The following CCDC91 variants were observed in gnomAD, a reference collection of about 807,000 sequenced individuals.
CCDC91 encodes the protein coiled-coil domain containing 91.
A neutral mutation model predicts 63.2 loss-of-function variants in CCDC91; 48 were observed. That is an observed-to-expected ratio of 0.76 (90% CI 0.60 to 0.97). The LOEUF (loss-of-function observed/expected upper bound fraction) is 0.97, where lower values mean the gene tolerates loss of function less well. Among genes scored for constraint, CCDC91 ranks in the 50% least tolerant of loss-of-function variants. The probability of loss-of-function intolerance (pLI) is 0.00; values close to 1 mark genes in which losing one functional copy is unlikely to be tolerated. For synonymous variants in CCDC91, 167 were observed against 165.8 expected (o/e 1.01, Z -0.06); for missense variants, 500 against 494.6 (o/e 1.01, Z -0.10).
intron 8 of CCDC91, among the ~76,000 whole-genome samples, chr12:28,405,176 T>A (rs78592984): frequency 0.013 from 1,986 of 152,050 alleles, 49 homozygotes; most frequent in African/African-American, 0.045. Context: ...TTAGTTATAA[T>A]TTTTTTTCTT....
At chr12:28,203,286 T>G (rs1434472963) in intron 1 of CCDC91, among the ~76,000 whole-genome samples, 2 of 152,256 alleles carry the variant, frequency 1.3e-5, no homozygotes, top group East Asian at 3.8e-4. Flanking sequence ...TGAAAAAAGT[T>G]GACTTTGACA....
At chr12:28,394,811 GAATTGATC>G (rs910748240) in intron 8 of CCDC91, among the ~76,000 whole-genome samples, 3 of 151,444 alleles carry the variant, frequency 2.0e-5, no homozygotes, top group African/African-American at 4.8e-5. Context: ...CAGACTATAT[GAATTGATC>G]CCTGGCTTTG....
At chr12:28,341,628 A>T (rs1162739412) in intron 6 of CCDC91, among the ~76,000 whole-genome samples, 4 of 152,182 alleles carry the variant, frequency 2.6e-5, no homozygotes, top group Non-Finnish European at 5.9e-5. Flanking sequence ...TATTCTGCCT[A>T]TTACACTTAG....
intron 1 of CCDC91, among the ~76,000 whole-genome samples, chr12:28,220,451 A>G (rs892034153): frequency 6.6e-6 from 1 of 151,978 alleles, no homozygotes; most frequent in Non-Finnish European, 1.5e-5. Flanking sequence ...AAAGCCAACA[A>G]TATGTTTTTT....
At chr12:28,457,084 C>T (rs3898068) in intron 11 of CCDC91, among the ~76,000 whole-genome samples, 31,636 of 151,912 alleles carry the variant, frequency 0.21, 4,322 homozygotes, top group Non-Finnish European at 0.31. Flanking sequence ...CTGTCTGTGT[C>T]ACCCTGTAAC....
intron 12 of CCDC91, among the ~76,000 whole-genome samples, chr12:28,489,210 A>G (rs1410410248): frequency 6.6e-6 from 1 of 151,932 alleles, no homozygotes; most frequent in Non-Finnish European, 1.5e-5. Context: ...TAACTAGACA[A>G]TTGAAGTCTC....
chr12:28,265,562 CT>C (rs1390066017), intron 3 of CCDC91, among the ~76,000 whole-genome samples: 1 of 152,074 alleles, frequency 6.6e-6, no homozygotes, highest in Non-Finnish European at 1.5e-5. Flanking sequence ...ATTCTCCATT[CT>C]GTCCAGGAAA....
At chr12:28,529,152 TTA>T (rs1403624588) in intron 12 of CCDC91, among the ~76,000 whole-genome samples, 1 of 152,206 alleles carries the variant, frequency 6.6e-6, no homozygotes, top group Non-Finnish European at 1.5e-5. Context: ...GACATACTGA[TTA>T]TGTCTTACCT....
chr12:28,229,830 G>A (rs534793909), intron 1 of CCDC91, among the ~76,000 whole-genome samples: 1 of 152,160 alleles, frequency 6.6e-6, no homozygotes, highest in South Asian at 2.1e-4. Flanking sequence ...TGTGTTTGTG[G>A]CTAGAAGAAG....
At chr12:28,303,859 C>T (rs190719294) in intron 3 of CCDC91, among the ~76,000 whole-genome samples, 29 of 152,168 alleles carry the variant, frequency 1.9e-4, no homozygotes, top group African/African-American at 6.3e-4. Context: ...TATTCCTTCT[C>T]ACTCCACTGT....
chr12:28,547,899 G>A (rs1342002584), intron 12 of CCDC91, among the ~76,000 whole-genome samples: 5 of 152,052 alleles, frequency 3.3e-5, no homozygotes, highest in African/African-American at 4.8e-5. Context: ...GGGGATGCAG[G>A]GGCTTGTGAG....
chr12:28,311,477 T>C (rs1939318732), intron 6 of CCDC91, among the ~76,000 whole-genome samples: 1 of 152,028 alleles, frequency 6.6e-6, no homozygotes, highest in Non-Finnish European at 1.5e-5. Context: ...ACTGCATTGT[T>C]GCTGGGGCGA....
chr12:28,367,258 A>T (rs1476944592), intron 7 of CCDC91, among the ~76,000 whole-genome samples: 1 of 152,220 alleles, frequency 6.6e-6, no homozygotes, highest in Non-Finnish European at 1.5e-5. Flanking sequence ...AACCAATGTG[A>T]AAACAGAAAA....
intron 11 of CCDC91, among the ~76,000 whole-genome samples, chr12:28,468,592 A>G (rs141655538): frequency 1.2e-3 from 182 of 152,102 alleles, no homozygotes; most frequent in African/African-American, 3.9e-3. Flanking sequence ...AACTCATTCT[A>G]TGAGGCCAGT....
intron 8 of CCDC91, among the ~76,000 whole-genome samples, chr12:28,413,404 C>T (rs542431579): frequency 6.6e-6 from 1 of 151,964 alleles, no homozygotes; most frequent in South Asian, 2.1e-4. Context: ...AATTTCTTTC[C>T]TAAATTATAG....
chr12:28,419,602 A>T (rs969970344), intron 8 of CCDC91, among the ~76,000 whole-genome samples: 1 of 152,170 alleles, frequency 6.6e-6, no homozygotes, highest in Non-Finnish European at 1.5e-5. Context: ...TTGTAAGTCT[A>T]CTTTTACTGA....
At chr12:28,484,837 TAATA>T (rs1340229025) in intron 12 of CCDC91, among the ~76,000 whole-genome samples, 2 of 150,634 alleles carry the variant, frequency 1.3e-5, no homozygotes, top group Non-Finnish European at 3.0e-5. Context: ...ATCTTCTCTG[TAATA>T]AATATATATA....
chr12:28,391,198 G>A (rs1285382434), intron 7 of CCDC91, 106 bp from the exon 8 acceptor site: 1 of 560,004 alleles, frequency 1.8e-6, no homozygotes, highest in South Asian at 2.8e-5. Context: ...TGTAATTTAG[G>A]AGAATATCGT....
intron 12 of CCDC91, among the ~76,000 whole-genome samples, chr12:28,511,589 T>C (rs1939383919): frequency 1.3e-5 from 2 of 151,894 alleles, no homozygotes; most frequent in Admixed American, 6.6e-5. Context: ...CTGGATAGTT[T>C]GTAGGCACTC....
Sources: gnomAD v4.1 joint callset for allele counts (sites outside exome capture counted in the v4.1 genomes callset) on GRCh38, gnomAD v4.1.1 for gene constraint, MANE v1.5 for transcripts, NCBI Gene and HGNC (gene_info 2026-07-23, HGNC 2026-07-21) for gene names.